SEC24B: variants seen among roughly 807,000 people sequenced by gnomAD.
SEC24B encodes protein transport protein Sec24B.
SEC24B carries 45 observed loss-of-function variants against 142.8 expected under a neutral mutation model. The ratio of observed to expected loss-of-function variants is 0.32; its 90% CI spans 0.25 to 0.40. The LOEUF (loss-of-function observed/expected upper bound fraction) is 0.40, where lower values mean the gene tolerates loss of function less well. Ranked by LOEUF, SEC24B falls within the 10% of genes least tolerant of loss-of-function variation. The pLI is 1.00. For synonymous variants in SEC24B, 574 were observed against 568.2 expected (o/e 1.01, Z -0.15); for missense variants, 1,409 against 1,526.8 (o/e 0.92, Z 1.29).
At position 109,474,468 on chromosome 4, in the gene SEC24B, G is replaced by A. The variant is rs962236871; in HGVS notation, c.1060+1282G>A. On this transcript the variant is annotated intron_variant, in intron 3 of 23. Coordinates refer to ENST00000265175, the MANE Select transcript of SEC24B (RefSeq NM_006323.5). ...AGTTGGGAGTCTTGCTCTGTCACCC[G>A]GGGTTGAGTGCAGTGGCATGATCTT... Among the ~76,000 whole-genome samples the A allele has an allele frequency of 8.9e-5, 13 of 145,512 alleles. No individual in the cohort carries two copies. The South Asian group carries it at 9.1e-4, about 10-fold the overall frequency.
intron 1 of SEC24B, among the ~76,000 whole-genome samples, chr4:109,462,500 G>C (rs1731366035): frequency 6.6e-6 from 1 of 152,192 alleles, no homozygotes; most frequent in Non-Finnish European, 1.5e-5. Context: ...CTGTTGGCCA[G>C]AGAGTTAAGT....
intron 22 of SEC24B, among the ~76,000 whole-genome samples, chr4:109,536,770 C>T (rs1010713503): frequency 6.6e-6 from 1 of 150,996 alleles, no homozygotes; most frequent in African/African-American, 2.5e-5. Context: ...ACTTTGTGAT[C>T]CCCCCACCTC....
In SEC24B at chr4:109,433,962, CGCGGGCCCGGGT is replaced by C. The variant is rs1728113340; in HGVS notation, c.104_115del (p.Gly35_Pro38del). ...CGGCCGTCTCAGGAGCCGCAGCGCC[CGCGGGCCCGGGT>C]GCGGGCCCGGCGCCGCACCAGCAGA... On this transcript the variant is annotated inframe_deletion, in exon 1 of 24. Transcript: ENST00000265175. 3.2e-6 allele frequency: 4 copies of C among 1,233,474 alleles called. No individual in the cohort carries two copies. The highest frequency in any genetic ancestry group is 3.4e-5 in the East Asian group (1 of 29,470). The allele number at this position is 1,233,474 out of a possible 1,614,324, so 76.4% of individuals were successfully genotyped here.
At chr4:109,516,957 AT>A (rs1723001784) in intron 11 of SEC24B, among the ~76,000 whole-genome samples, 1 of 152,190 alleles carries the variant, frequency 6.6e-6, no homozygotes, top group South Asian at 2.1e-4. Flanking sequence ...GGATGAGACT[AT>A]CAAAAAGACA....
chr4:109,500,565 A>G (rs1424869318), intron 6 of SEC24B, among the ~76,000 whole-genome samples: 5 of 150,822 alleles, frequency 3.3e-5, no homozygotes, highest in African/African-American at 1.2e-4. Context: ...AAAAAAAAAG[A>G]CAAAACCCAC....
chr4:109,516,587 G>A lies in SEC24B; in HGVS notation c.2073G>A (p.Val691=), dbSNP rs1482484224. The A allele has an allele frequency of 7.4e-6, 12 of 1,612,934 alleles. No homozygotes were observed. Among genetic ancestry groups the A allele is most frequent in the Non-Finnish European group, 1.0e-5 (12 of 1,179,452 alleles). The change falls in exon 11 of 24, where the codon GTG becomes GTA. Residue 691 remains valine, a synonymous_variant. Transcript: ENST00000265175. ...LFVLDVSHNA[V]EAGYLTILCQ... is the part of the protein sequence containing the mutation. ...TTTTAGATGTGTCTCATAATGCAGT[G>A]GAAGCTGGATATTTGACAATTTTGT...
rs200618525 is a variant in SEC24B at position 109,510,103 on chromosome 4, G to A, written c.1768G>A (p.Asp590Asn). Residue 590 changes from aspartate to asparagine, a missense_variant, in exon 8 of 24, where the codon GAC becomes AAC. Around this residue, in one of 2 missense-constraint regions of SEC24B, gnomAD observed 700 missense variants for 853.3 expected, o/e 0.82. Transcript: ENST00000265175. ...AGGATTGTTGTTACATCCCTTCAGA[G>A]ACCTAACGGTAAAGTAACATTTTAT... ...PLGLLLHPFRDLTQLPVITSN... is the reference protein window; with the variant it reads ...PLGLLLHPFRNLTQLPVITSN... 13 of 1,579,200 alleles carry A rather than the reference G, an allele frequency of 8.2e-6. No homozygotes were observed. Among genetic ancestry groups the A allele is most frequent in the Admixed American group, 5.2e-5 (3 of 58,000 alleles).
At chr4:109,444,637 C>G (rs1043129129) in intron 1 of SEC24B, among the ~76,000 whole-genome samples, 2 of 151,924 alleles carry the variant, frequency 1.3e-5, no homozygotes, top group Admixed American at 6.6e-5. Flanking sequence ...CAGATATGTC[C>G]TGGGGGTAGA....
chr4:109,494,771 C>T lies in SEC24B; in HGVS notation c.1403C>T (p.Pro468Leu). 6.2e-7 allele frequency: 1 copy of T among 1,614,190 alleles called. No individual in the cohort carries two copies. The highest frequency in any genetic ancestry group is 8.5e-7 in the Non-Finnish European group (1 of 1,180,042). Reference sequence around the variant, plus strand: ...GGCTATGGCTATCCAACACTTCAGCCTGGTTATCAGAATGCTACAGCACCA... The same window carrying T: ...GGCTATGGCTATCCAACACTTCAGCTTGGTTATCAGAATGCTACAGCACCA... Reference protein sequence around the residue: ...PFGYGYPTLQPGYQNATAPLI... With the variant: ...PFGYGYPTLQLGYQNATAPLI... The change falls in exon 6 of 24, where the codon CCT (proline) becomes CTT (leucine). Residue 468 changes from proline to leucine, a missense_variant. Coordinates refer to ENST00000265175, the MANE Select transcript of SEC24B (RefSeq NM_006323.5).
chr4:109,485,484 G>A (rs1329352365), intron 4 of SEC24B, among the ~76,000 whole-genome samples: 2 of 152,178 alleles, frequency 1.3e-5, no homozygotes, highest in Non-Finnish European at 2.9e-5. Context: ...AGTCACTACA[G>A]TGTTAAACGT....
intron 4 of SEC24B, among the ~76,000 whole-genome samples, chr4:109,484,947 G>A (rs1455503902): frequency 6.6e-6 from 1 of 150,934 alleles, no homozygotes; most frequent in Non-Finnish European, 1.5e-5. Flanking sequence ...TAAAATTCCT[G>A]AGTTTTTATG....
chr4:109,539,498 T>G, intron 23 of SEC24B, 63 bp from the exon 24 acceptor site: 1 of 929,058 alleles, frequency 1.1e-6, no homozygotes, highest in East Asian at 2.4e-5. Flanking sequence ...TGAGCTAGAT[T>G]GCAAAGTGGT....
intron 23 of SEC24B, among the ~76,000 whole-genome samples, chr4:109,539,271 A>AT (rs1561198617): frequency 0.019 from 2,863 of 151,312 alleles, 92 homozygotes; most frequent in African/African-American, 0.066. Context: ...CAATTTTAAA[A>AT]ATTTTTTTTT....
At position 109,467,735 on chromosome 4, in the gene SEC24B, G is replaced by A. The variant is rs142199316; in HGVS notation, c.877+4091G>A. On this transcript the variant is annotated intron_variant, in intron 2 of 23. Transcript: ENST00000265175. Reference sequence around the variant, plus strand: ...TCTTGTTGCCAAGATGTAGAATTTTGCCAGAAAAATTATTTTGATTAAAAT... The same window carrying A: ...TCTTGTTGCCAAGATGTAGAATTTTACCAGAAAAATTATTTTGATTAAAAT... Among the ~76,000 whole-genome samples, 315 of 152,152 alleles carry A rather than the reference G, an allele frequency of 2.1e-3. 3 individuals are homozygous for A. The highest frequency in any genetic ancestry group is 7.0e-3 in the African/African-American group (290 of 41,522).
At chr4:109,509,977 A>G (rs1211961954) in intron 7 of SEC24B, 32 bp from the exon 8 acceptor site, 1 of 1,344,776 alleles carries the variant, frequency 7.4e-7, no homozygotes, top group Middle Eastern at 1.8e-4. Flanking sequence ...TCTGATAGCT[A>G]ATATCCTCCA....
chr4:109,460,443 A>G (rs1220788235), intron 1 of SEC24B, among the ~76,000 whole-genome samples: 1 of 152,138 alleles, frequency 6.6e-6, no homozygotes, highest in East Asian at 1.9e-4. Flanking sequence ...AGACAGAAAA[A>G]TTAGATTCCA....
rs372492975 is a variant in SEC24B at position 109,463,128 on chromosome 4, C to G, written c.361C>G (p.Pro121Ala). ...AGCACAGCAGTTGTACAGCAGGGGT[C>G]CTCCTGCCCCTCATATTGTGGGATC... Reference protein sequence around the residue: ...PGAQQLYSRGPPAPHIVGSTL... With the variant: ...PGAQQLYSRGAPAPHIVGSTL... Residue 121 changes from proline to alanine, a missense_variant, in exon 2 of 24, where the codon CCT becomes GCT. Around this residue, in one of 2 missense-constraint regions of SEC24B, gnomAD observed 709 missense variants for 673.5 expected, o/e 1.05. Transcript: ENST00000265175. 100 of 1,613,848 alleles carry G rather than the reference C, an allele frequency of 6.2e-5. No individual in the cohort carries two copies. Among genetic ancestry groups the G allele is most frequent in the Non-Finnish European group, 8.4e-5 (99 of 1,179,864 alleles).
intron 6 of SEC24B, among the ~76,000 whole-genome samples, chr4:109,499,225 C>T (rs1735855269): frequency 6.6e-6 from 1 of 152,138 alleles, no homozygotes; most frequent in Non-Finnish European, 1.5e-5. Context: ...TTGAAAAATA[C>T]AAATATCACT....
At chr4:109,445,392 C>T (rs1224073040) in intron 1 of SEC24B, among the ~76,000 whole-genome samples, 8 of 144,144 alleles carry the variant, frequency 5.6e-5, no homozygotes, top group Non-Finnish European at 9.0e-5. Flanking sequence ...AACAGGCGCC[C>T]GCCACCACGC....
Sources: gnomAD v4.1 joint callset for allele counts (sites outside exome capture counted in the v4.1 genomes callset) on GRCh38, gnomAD v4.1.1 for gene constraint, gnomAD v4.1.1 regional missense constraint, MANE v1.5 for transcripts, NCBI Gene and HGNC (gene_info 2026-07-23, HGNC 2026-07-21) for gene names.